NAA16: variants seen among roughly 807,000 people sequenced by gnomAD.
NAA16 encodes N-alpha-acetyltransferase 16, NatA auxiliary subunit, also known as NARG1-like protein.
In NAA16, 97 loss-of-function variants were observed where a neutral mutation model predicts 110.3. That is an observed-to-expected ratio of 0.88 (90% confidence interval 0.75 to 1.04). The LOEUF (loss-of-function observed/expected upper bound fraction) is 1.04. Ranked by LOEUF, NAA16 falls within the 50% of genes least tolerant of loss-of-function variation. NAA16 has a pLI of 0.00. For missense variants in NAA16, 1,017 were observed against 1,005.1 expected (o/e 1.01, Z -0.16); for synonymous variants, 372 against 330.6 (o/e 1.13, Z -1.36).
intron 8 of NAA16, among the ~76,000 whole-genome samples, chr13:41,333,603 G>T (rs999879205): frequency 2.6e-5 from 4 of 152,022 alleles, no homozygotes; most frequent in African/African-American, 7.3e-5. Context: ...ATTGTGTGTG[G>T]GGGGGATATT....
rs570197624 is a variant in NAA16 at position 41,333,336 on chromosome 13, A to G, written c.907+1967A>G. Among the ~76,000 whole-genome samples the G allele has an allele frequency of 8.5e-5, 13 of 152,236 alleles. No homozygotes were observed. In the East Asian group the frequency reaches 2.3e-3, roughly 27 times the overall value. On this transcript the variant is annotated intron_variant, in intron 8 of 19. Coordinates refer to ENST00000379406, the MANE Select transcript of NAA16 (RefSeq NM_024561.5). ...TGTGTGCAATTCAGTGTTTTAGTAT[A>G]TTAATCATGTTGTGCAACCATCATC...
intron 5 of NAA16, 70 bp downstream of exon 5, chr13:41,323,260 A>C (rs1383504784): frequency 1.4e-6 from 2 of 1,461,434 alleles, no homozygotes; most frequent in Non-Finnish European, 1.9e-6. Flanking sequence ...CCCTGCTCTC[A>C]AATGTGAATT....
intron 1 of NAA16, among the ~76,000 whole-genome samples, chr13:41,315,097 A>G (rs181169143): frequency 3.1e-4 from 47 of 152,330 alleles, no homozygotes; most frequent in African/African-American, 1.1e-3. Flanking sequence ...ATTTCAGGAA[A>G]TGATAGCACT....
At chr13:41,342,206 C>T (rs571698740) in intron 9 of NAA16, among the ~76,000 whole-genome samples, 7 of 151,518 alleles carry the variant, frequency 4.6e-5, no homozygotes, top group African/African-American at 9.7e-5. Flanking sequence ...GGCACGCTCT[C>T]GGCTCACTGC....
chr13:41,369,375 G>A, intron 15 of NAA16, 92 bp downstream of exon 15: 2 of 1,189,400 alleles, frequency 1.7e-6, no homozygotes, highest in African/African-American at 1.6e-5. Flanking sequence ...AAATCTGTAA[G>A]AAGCCATTTG....
intron 5 of NAA16, among the ~76,000 whole-genome samples, chr13:41,324,442 C>A (rs1203265937): frequency 7.8e-6 from 1 of 128,540 alleles, no homozygotes; most frequent in African/African-American, 2.9e-5. Context: ...GTGGTGCAAT[C>A]TCGGCTCACT....
rs1248747572 is a variant in NAA16, at chr13:41,318,790, A to T, written c.140-16A>T. The T allele has an allele frequency of 7.0e-7, 1 of 1,435,820 alleles. No individual in the cohort carries two copies. Among genetic ancestry groups the T allele is most frequent in the Admixed American group, 2.2e-5 (1 of 45,880 alleles). The allele number at this position is 1,435,820 out of a possible 1,614,324, so 88.9% of individuals were successfully genotyped here. On this transcript the variant is annotated splice_polypyrimidine_tract_variant and intron_variant, in intron 2 of 19. Coordinates refer to ENST00000379406, the MANE Select transcript of NAA16 (RefSeq NM_024561.5). ...TTTGTGTCATTTGTAAATAGAGTTT[A>T]AAAATTATTTTTCAGAGACTTTGGC... is the stretch of plus-strand genomic sequence containing the variant.
At chr13:41,315,902 T>C (rs370104731) in intron 1 of NAA16, among the ~76,000 whole-genome samples, 2 of 152,052 alleles carry the variant, frequency 1.3e-5, no homozygotes, top group Non-Finnish European at 2.9e-5. Flanking sequence ...CCCAAGCAGT[T>C]AGGACCACAG....
intron 9 of NAA16, among the ~76,000 whole-genome samples, chr13:41,348,202 C>G (rs918734317): frequency 1.3e-5 from 2 of 151,922 alleles, no homozygotes; most frequent in African/African-American, 4.8e-5. Flanking sequence ...CAATCTCACT[C>G]TGTCACCCGG....
At chr13:41,347,301 T>G (rs2042713073) in intron 9 of NAA16, among the ~76,000 whole-genome samples, 1 of 152,066 alleles carries the variant, frequency 6.6e-6, no homozygotes, top group African/African-American at 2.4e-5. Context: ...ATTTTTTTAT[T>G]ATGTTTGTTT....
In NAA16 at chr13:41,358,925, TAAAA is replaced by T; in HGVS notation, c.1374_1377del (p.Ile458MetfsTer21). 1.2e-6 allele frequency: 2 copies of T among 1,610,602 alleles called. No homozygotes were observed. Among genetic ancestry groups the T allele is most frequent in the Non-Finnish European group, 8.5e-7 (1 of 1,177,644 alleles). ...AAATACATGCTTCGAGCAAATATGA[TAAAA>T]GAAGCAGAGGAAATGTGCTCCAAGT... is the stretch of plus-strand genomic sequence containing the variant. On this transcript the variant is annotated frameshift_variant, in exon 12 of 20. Transcript: ENST00000379406. LOFTEE classifies it high-confidence loss of function.
intron 15 of NAA16, among the ~76,000 whole-genome samples, chr13:41,371,656 A>G: frequency 6.6e-6 from 1 of 152,162 alleles, no homozygotes; most frequent in Admixed American, 6.5e-5. Flanking sequence ...AACATACACA[A>G]TATGTGTTAA....
intron 13 of NAA16, chr13:41,362,534 G>T: frequency 2.5e-6 from 1 of 401,336 alleles, no homozygotes; most frequent in South Asian, 2.2e-5. Context: ...GATCTGGTCC[G>T]CAGTCAGCCT....
intron 12 of NAA16, among the ~76,000 whole-genome samples, chr13:41,361,743 G>C (rs2043115854): frequency 6.6e-6 from 1 of 152,196 alleles, no homozygotes; most frequent in Non-Finnish European, 1.5e-5. Context: ...TTTTATCACA[G>C]TATTCAGAAT....
intron 15 of NAA16, among the ~76,000 whole-genome samples, chr13:41,370,701 C>G (rs1161302542): frequency 6.6e-6 from 1 of 152,154 alleles, no homozygotes; most frequent in African/African-American, 2.4e-5. Context: ...CCCTGGCCAT[C>G]CGGAACCTCA....
At position 41,336,734 on chromosome 13, in the gene NAA16, C is replaced by T. The variant is rs193222711; in HGVS notation, c.992C>T (p.Ser331Phe). ...GCPPLFTTLK[S>F]LYYNTEKVSI... ...CCACCCTTGTTTACTACTTTGAAAT[C>T]TTTATATTACAATACAGAAAAGGTA... Residue 331 changes from serine (S) to phenylalanine (F), a missense_variant, in exon 9 of 20, where the codon TCT becomes TTT. Physicochemically the swap from Ser to Phe is radical, Grantham distance 155. Coordinates refer to ENST00000379406, the MANE Select transcript of NAA16 (RefSeq NM_024561.5). 1 of 1,600,850 alleles carries T rather than the reference C, an allele frequency of 6.2e-7. No homozygotes were observed. The highest frequency in any genetic ancestry group is 1.1e-5 in the South Asian group (1 of 89,172).
At chr13:41,316,802 T>C (rs755273202) in intron 1 of NAA16, 44 bp from the exon 2 acceptor site, 1 of 1,291,418 alleles carries the variant, frequency 7.7e-7, no homozygotes, top group Middle Eastern at 1.9e-4. Flanking sequence ...TGCTCCATTA[T>C]GTATTCATTT....
intron 8 of NAA16, among the ~76,000 whole-genome samples, chr13:41,332,945 T>C (rs2139419589): frequency 6.6e-6 from 1 of 152,272 alleles, no homozygotes; most frequent in South Asian, 2.1e-4. Context: ...TGGTTTTGTT[T>C]TTGTAGAATA....
intron 8 of NAA16, among the ~76,000 whole-genome samples, chr13:41,331,709 G>A (rs753279412): frequency 5.3e-5 from 8 of 151,896 alleles, no homozygotes; most frequent in Non-Finnish European, 1.2e-4. Context: ...TTAGATAGAA[G>A]GAATAAGTTT....
Sources: gnomAD v4.1 joint callset for allele counts (sites outside exome capture counted in the v4.1 genomes callset) on GRCh38, gnomAD v4.1.1 for gene constraint, MANE v1.5 for transcripts, NCBI Gene and HGNC (gene_info 2026-07-23, HGNC 2026-07-21) for gene names.